NCALD: variants seen among roughly 807,000 people sequenced by gnomAD.
NCALD encodes the protein neurocalcin delta, also known as neurocalcin-delta.
A neutral mutation model predicts 18.6 loss-of-function variants in NCALD; 10 were observed. That is an observed-to-expected ratio of 0.54 (90% confidence interval 0.33 to 0.91). The LOEUF (loss-of-function observed/expected upper bound fraction) is 0.91, where lower values mean the gene tolerates loss of function less well. NCALD is among the 40% of genes least tolerant of loss of function. The probability of loss-of-function intolerance (pLI) is 0.03; values close to 1 mark genes in which losing one functional copy is unlikely to be tolerated. For synonymous variants in NCALD, 88 were observed against 87.4 expected (o/e 1.01, Z -0.04); for missense variants, 184 against 247.6 (o/e 0.74, Z 1.72).
rs73275007 is a variant in NCALD at position 102,016,933 on chromosome 8, T to C, written c.-157+3304A>G. Among the ~76,000 whole-genome samples, 1,168 of 152,156 alleles carry C rather than the reference T, an allele frequency of 7.7e-3. 17 individuals carry two copies. The highest frequency in any genetic ancestry group is 0.027 in the African/African-American group (1,101 of 41,510). On this transcript the variant is annotated intron_variant, in intron 2 of 6. Coordinates refer to the NCALD transcript ENST00000311028. ...ACAATCAGAGACTTTAAAATAGCCA[T>C]GATTAATATGTTAAAGGCTCTCATG...
chr8:101,733,360 A>C (rs932632712), intron 1 of NCALD, among the ~76,000 whole-genome samples: 3 of 152,152 alleles, frequency 2.0e-5, no homozygotes, highest in Non-Finnish European at 4.4e-5. Flanking sequence ...ACTCCACTGA[A>C]GTTCTAAATA....
At chr8:101,802,899 C>CAAAA (rs34519871) in intron 4 of NCALD, among the ~76,000 whole-genome samples, 2,526 of 99,052 alleles carry the variant, frequency 0.026, 94 homozygotes, top group African/African-American at 0.068. Flanking sequence ...TGCTGCTGCT[C>CAAAA]AAAAAAAAAA....
chr8:102,027,117 G>A (rs1439263997), intron 1 of NCALD, among the ~76,000 whole-genome samples: 1 of 152,180 alleles, frequency 6.6e-6, no homozygotes, highest in African/African-American at 2.4e-5. Context: ...TTGATGGCAG[G>A]GGCTGCTGTG....
At chr8:101,929,320 GAAGC>G (rs1247948006) in intron 2 of NCALD, among the ~76,000 whole-genome samples, 1 of 57,580 alleles carries the variant, frequency 1.7e-5, no homozygotes, top group African/African-American at 8.1e-5. Flanking sequence ...AGGAAGGAAG[GAAGC>G]AAGCAAGGAA....
chr8:102,001,705 G>A (rs1339175795), intron 2 of NCALD, among the ~76,000 whole-genome samples: 1 of 152,212 alleles, frequency 6.6e-6, no homozygotes, highest in South Asian at 2.1e-4. Context: ...AGCCAGAAGA[G>A]AGTGGGGGTC....
intron 4 of NCALD, among the ~76,000 whole-genome samples, chr8:101,862,814 T>C (rs1002040414): frequency 6.6e-6 from 1 of 152,222 alleles, no homozygotes; most frequent in African/African-American, 2.4e-5. Context: ...GAGAAATTTT[T>C]CCAGCTTTCT....
chr8:101,841,392 C>T (rs1475517649), intron 4 of NCALD, among the ~76,000 whole-genome samples: 1 of 152,220 alleles, frequency 6.6e-6, no homozygotes. Context: ...CAGGGTTCCT[C>T]AATCCAGGCA....
upstream of NCALD, among the ~76,000 whole-genome samples, chr8:101,793,240 C>T (rs140184517): frequency 6.4e-3 from 965 of 151,910 alleles, 27 homozygotes; most frequent in Admixed American, 0.05. Context: ...TTCCCAGCTA[C>T]TCAGGAGGCT....
intron 1 of NCALD, among the ~76,000 whole-genome samples, chr8:102,066,198 T>C (rs1010126779): frequency 3.9e-5 from 6 of 152,328 alleles, no homozygotes; most frequent in East Asian, 1.9e-4. Flanking sequence ...TGCTCCACAA[T>C]TGTCACAATA....
At chr8:101,988,900 C>CATA (rs1386908800) in intron 2 of NCALD, among the ~76,000 whole-genome samples, 1 of 51,074 alleles carries the variant, frequency 2.0e-5, no homozygotes. Flanking sequence ...CAGGTGCCAG[C>CATA]AGAAAAAAAA....
chr8:102,111,489 T>C (rs1298569639), intron 1 of NCALD, among the ~76,000 whole-genome samples: 2 of 151,742 alleles, frequency 1.3e-5, no homozygotes, highest in Non-Finnish European at 2.9e-5. Context: ...CCTTCCCCTA[T>C]CCTCAAGGGC....
At chr8:101,884,195 G>C (rs140040825) in intron 4 of NCALD, among the ~76,000 whole-genome samples, 1 of 152,152 alleles carries the variant, frequency 6.6e-6, no homozygotes, top group Non-Finnish European at 1.5e-5. Context: ...ATTTCTGCAG[G>C]GAAGCCTTCC....
At chr8:102,014,577 G>T (rs1267989767) in intron 2 of NCALD, among the ~76,000 whole-genome samples, 1 of 151,202 alleles carries the variant, frequency 6.6e-6, no homozygotes, top group Admixed American at 6.6e-5. Flanking sequence ...GGAGCACAGA[G>T]CTCAAAAAAA....
At chr8:101,822,751 A>T (rs1208697108) in intron 4 of NCALD, among the ~76,000 whole-genome samples, 1 of 152,188 alleles carries the variant, frequency 6.6e-6, no homozygotes, top group Admixed American at 6.5e-5. Context: ...TGCAACTCCA[A>T]CAGTTCCAGT....
chr8:101,791,859 T>C (rs1812458732), upstream of NCALD, among the ~76,000 whole-genome samples: 1 of 152,148 alleles, frequency 6.6e-6, no homozygotes, highest in Non-Finnish European at 1.5e-5. Flanking sequence ...CAAAGTGTAA[T>C]GAAAGCCCAG....
At chr8:101,791,199 C>T (rs368723306), upstream of NCALD, among the ~76,000 whole-genome samples, 77 of 152,276 alleles carry the variant, frequency 5.1e-4, no homozygotes, top group South Asian at 0.01. Flanking sequence ...CCTCAACCCC[C>T]GAAGTTGTGA....
intron 1 of NCALD, among the ~76,000 whole-genome samples, chr8:101,721,696 T>C (rs1341369012): frequency 6.6e-6 from 1 of 152,146 alleles, no homozygotes; most frequent in Non-Finnish European, 1.5e-5. Flanking sequence ...TCCTCATTCA[T>C]TGCCAAGTTT....
chr8:101,915,482 C>T (rs1817941958), intron 3 of NCALD: 1 of 152,060 alleles, frequency 6.6e-6, no homozygotes, highest in Non-Finnish European at 1.5e-5. Flanking sequence ...TGTAATGTAC[C>T]CCTTGAGAAG....
At chr8:101,826,925 C>T (rs1227758117) in intron 4 of NCALD, among the ~76,000 whole-genome samples, 2 of 152,144 alleles carry the variant, frequency 1.3e-5, no homozygotes, top group South Asian at 2.1e-4. Context: ...TAAATGACCA[C>T]ACAAGAAATA....
Sources: gnomAD v4.1 joint callset for allele counts (sites outside exome capture counted in the v4.1 genomes callset) on GRCh38, gnomAD v4.1.1 for gene constraint, MANE v1.5 for transcripts, NCBI Gene and HGNC (gene_info 2026-07-23, HGNC 2026-07-21) for gene names.